NR2C1: variants seen among roughly 807,000 people sequenced by gnomAD.
NR2C1 encodes the protein nuclear receptor subfamily 2 group C member 1.
A neutral mutation model predicts 74.8 loss-of-function variants in NR2C1; 33 were observed. That is an observed-to-expected ratio of 0.44 (90% CI 0.33 to 0.59). The LOEUF is 0.59. Among genes scored for constraint, NR2C1 ranks in the 20% least tolerant of loss-of-function variants. NR2C1 has a pLI of 0.02. For synonymous variants in NR2C1, 225 were observed against 240.6 expected (o/e 0.94, Z 0.60); for missense variants, 568 against 715.6 (o/e 0.79, Z 2.35).
At chr12:95,046,159 A>C (rs192982717) in intron 9 of NR2C1, among the ~76,000 whole-genome samples, 26 of 152,308 alleles carry the variant, frequency 1.7e-4, no homozygotes, top group Admixed American at 7.2e-4. Context: ...CTTAAATATT[A>C]CTACTGCCCT....
intron 9 of NR2C1, among the ~76,000 whole-genome samples, chr12:95,046,884 G>A (rs1411834295): frequency 6.6e-6 from 1 of 152,122 alleles, no homozygotes; most frequent in Non-Finnish European, 1.5e-5. Context: ...GTAAGACTCC[G>A]AGAAAGATGA....
intron 1 of NR2C1, among the ~76,000 whole-genome samples, chr12:95,070,948 C>G (rs759065650): frequency 1.1e-4 from 17 of 152,186 alleles, no homozygotes; most frequent in Non-Finnish European, 1.6e-4. Flanking sequence ...GCCTGTAATC[C>G]CAGCACTTTG....
At chr12:95,030,368 T>A in intron 11 of NR2C1, 2 of 966,824 alleles carry the variant, frequency 2.1e-6, no homozygotes, top group Non-Finnish European at 2.7e-6. Flanking sequence ...AAACAGATAT[T>A]TAGTAAAAAC....
intron 7 of NR2C1, among the ~76,000 whole-genome samples, chr12:95,056,029 G>T (rs111263757): frequency 4.6e-5 from 7 of 151,330 alleles, no homozygotes; most frequent in African/African-American, 1.7e-4. Context: ...CAATCTGGAA[G>T]GCTGAGGTGG....
At chr12:95,061,585 T>C (rs1177030517) in intron 3 of NR2C1, among the ~76,000 whole-genome samples, 2 of 152,198 alleles carry the variant, frequency 1.3e-5, no homozygotes, top group Non-Finnish European at 2.9e-5. Flanking sequence ...TTTCCAAAAC[T>C]AATACAAATA....
At chr12:95,032,087 T>C (rs1452134309) in intron 10 of NR2C1, among the ~76,000 whole-genome samples, 1 of 152,196 alleles carries the variant, frequency 6.6e-6, no homozygotes, top group Non-Finnish European at 1.5e-5. Context: ...AGGCTGGTCT[T>C]GAACTCCTGA....
intron 11 of NR2C1, chr12:95,030,544 G>A (rs1869951452): frequency 6.2e-7 from 1 of 1,611,340 alleles, no homozygotes. Context: ...TGAACCAGGG[G>A]TAGGAGTCCA....
chr12:95,032,296 T>C (rs1217260524), intron 10 of NR2C1, among the ~76,000 whole-genome samples: 2 of 152,102 alleles, frequency 1.3e-5, no homozygotes, highest in East Asian at 3.9e-4. Flanking sequence ...AACAAGAGAT[T>C]AGAAAGGTCA....
intron 1 of NR2C1, among the ~76,000 whole-genome samples, chr12:95,069,466 C>T (rs1876249813): frequency 6.6e-6 from 1 of 152,152 alleles, no homozygotes; most frequent in African/African-American, 2.4e-5. Context: ...AAACTGCCTA[C>T]AGTACTCACT....
At chr12:95,044,573 G>A (rs965925176) in intron 9 of NR2C1, among the ~76,000 whole-genome samples, 12 of 152,038 alleles carry the variant, frequency 7.9e-5, no homozygotes, top group African/African-American at 2.7e-4. Context: ...ACCCTGCCCA[G>A]CCGATATAGC....
rs1048525138 is a variant in NR2C1, at chr12:95,020,399, T to A, written c.*1830A>T. On this transcript the variant is annotated 3_prime_UTR_variant, in exon 14 of 14. Transcript: ENST00000333003. ...TTAGTACATTATTTTAAAGGATTATTTCCCTGATTCCTTGGCTTACTAAAC... is the reference window on the plus strand; with the variant it reads ...TTAGTACATTATTTTAAAGGATTATATCCCTGATTCCTTGGCTTACTAAAC... 10 of 152,176 alleles carry A rather than the reference T, an allele frequency of 6.6e-5. No homozygotes were observed. Among genetic ancestry groups the A allele is most frequent in the African/African-American group, 2.4e-4 (10 of 41,442 alleles). 9.4% of individuals were successfully genotyped at this position (152,176 alleles called of 1,614,324 possible).
chr12:95,060,067 A>G (rs1350903999), intron 3 of NR2C1, 83 bp from the exon 4 acceptor site: 2 of 1,111,382 alleles, frequency 1.8e-6, no homozygotes, highest in African/African-American at 1.6e-5. Context: ...AAAAAATTAA[A>G]GAACATTCAG....
intron 1 of NR2C1, among the ~76,000 whole-genome samples, chr12:95,069,067 C>T (rs1423764815): frequency 2.0e-5 from 3 of 152,140 alleles, no homozygotes; most frequent in Non-Finnish European, 2.9e-5. Context: ...AGTTTGGAAA[C>T]AGGAATGGAA....
At chr12:95,023,142 A>G (rs1167736625) in intron 13 of NR2C1, among the ~76,000 whole-genome samples, 11 of 151,710 alleles carry the variant, frequency 7.3e-5, no homozygotes, top group Non-Finnish European at 1.5e-5. Flanking sequence ...AAAAAATAAT[A>G]ATAAAATAAA....
Position 95,031,340 on chromosome 12 carries a change from G to C in NR2C1, c.1393+9C>G, listed in dbSNP as rs963085873. ...ACAACCTGGAAAAGGTAAGGAAGGTGCTTTTTACCTTGTTGAAGACTATTG... is the reference window on the plus strand; with the variant it reads ...ACAACCTGGAAAAGGTAAGGAAGGTCCTTTTTACCTTGTTGAAGACTATTG... On this transcript the variant is annotated intron_variant, in intron 11 of 13. Transcript: ENST00000333003. 6.4e-7 allele frequency: 1 copy of C among 1,573,814 alleles called. No homozygotes were observed. Among genetic ancestry groups the C allele is most frequent in the Non-Finnish European group, 8.6e-7 (1 of 1,164,100 alleles).
chr12:95,031,207 T>A (rs534087937), intron 11 of NR2C1, 142 bp downstream of exon 11: 4 of 708,344 alleles, frequency 5.6e-6, no homozygotes, highest in Non-Finnish European at 8.1e-6. Flanking sequence ...TATAAAATTG[T>A]AAAAATTATC....
At chr12:95,039,455 TCTAA>T (rs1260335122) in intron 10 of NR2C1, among the ~76,000 whole-genome samples, 3 of 152,192 alleles carry the variant, frequency 2.0e-5, no homozygotes, top group African/African-American at 7.2e-5. Context: ...ATAAAAACTT[TCTAA>T]CTTTGAATAA....
At chr12:95,052,984 A>T (rs924699272) in intron 7 of NR2C1, among the ~76,000 whole-genome samples, 5 of 150,930 alleles carry the variant, frequency 3.3e-5, no homozygotes, top group African/African-American at 1.2e-4. Context: ...ATACTGATCT[A>T]TTTGTCTTTT....
In NR2C1 at chr12:95,051,866, A is replaced by T. The variant is rs777786806; in HGVS notation, c.861T>A (p.Asp287Glu). 8 of 1,612,020 alleles carry T rather than the reference A, an allele frequency of 5.0e-6. No individual in the cohort carries two copies. Among genetic ancestry groups the T allele is most frequent in the Non-Finnish European group, 6.8e-6 (8 of 1,179,394 alleles). Residue 287 changes from aspartate (D) to glutamate (E), a missense_variant, in exon 8 of 14, where the codon GAT (aspartate) becomes GAA (glutamate). Asp to Glu is a conservative substitution (Grantham distance 45, BLOSUM62 2). Around this residue, in one of 6 missense-constraint regions of NR2C1, gnomAD observed 239 missense variants for 232.3 expected, o/e 1.03. Coordinates refer to ENST00000333003, the MANE Select transcript of NR2C1 (RefSeq NM_003297.4). ...ACATTTCATTACTATTTTGAGAAAG[A>T]TCTTTAGTTTTTCCAAGATTCGCTA... is the stretch of plus-strand genomic sequence containing the variant. ...TSLANLGKTK[D>E]LSQNSNEMSM... is the part of the protein sequence containing the mutation.
Sources: gnomAD v4.1 joint callset for allele counts (sites outside exome capture counted in the v4.1 genomes callset) on GRCh38, gnomAD v4.1.1 for gene constraint, gnomAD v4.1.1 regional missense constraint, MANE v1.5 for transcripts, NCBI Gene and HGNC (gene_info 2026-07-23, HGNC 2026-07-21) for gene names.